Variants in NFYC observed in about 807,000 individuals in gnomAD.
The protein encoded by NFYC is nuclear transcription factor Y subunit gamma.
In NFYC, 25 loss-of-function variants were observed where a neutral mutation model predicts 53.1. That is an observed-to-expected ratio of 0.47 (90% CI 0.34 to 0.66). NFYC has a LOEUF of 0.66. Ranked by LOEUF, NFYC falls within the 30% of genes least tolerant of loss-of-function variation. The pLI, the probability that NFYC is intolerant of heterozygous loss-of-function variation, is 0.01. For missense variants in NFYC, 260 were observed against 422.7 expected, an observed-to-expected ratio of 0.62 and a Z score of 3.38; for synonymous variants, 145 against 152.6, an observed-to-expected ratio of 0.95 and a Z score of 0.37.
intron 3 of NFYC, among the ~76,000 whole-genome samples, chr1:40,749,326 G>C (rs1645783060): frequency 6.6e-6 from 1 of 152,136 alleles, no homozygotes; most frequent in African/African-American, 2.4e-5. Context: ...TCTTTGAAAG[G>C]CTATTATAAG....
chr1:40,707,192 T>A (rs543030584), intron 1 of NFYC, among the ~76,000 whole-genome samples: 48 of 150,830 alleles, frequency 3.2e-4, no homozygotes, highest in Admixed American at 1.5e-3. Flanking sequence ...GAAAATTTTT[T>A]TATATATATA....
chr1:40,766,687 C>A lies in NFYC; in HGVS notation c.812C>A (p.Ala271Asp). 6.2e-7 allele frequency: 1 copy of A among 1,613,936 alleles called. No individual in the cohort carries two copies. The highest frequency in any genetic ancestry group is 8.5e-7 in the Non-Finnish European group (1 of 1,179,866). The stretch of plus-strand genomic sequence containing the variant: ...GTGCAGGGACAGATCCAGACACTTG[C>A]CACCAATGCTCAACAGGTATGTGCC... ...QVVQGQIQTL[A>D]TNAQQITQTE... Residue 271 changes from alanine to aspartate, a missense_variant, in exon 8 of 10, where the codon GCC (alanine) becomes GAC (aspartate). Ala to Asp is a moderately radical substitution (Grantham distance 126, BLOSUM62 -2). Coordinates refer to ENST00000447388, the MANE Select transcript of NFYC (RefSeq NM_014223.5).
Position 40,726,436 on chromosome 1 carries a change from T to A in NFYC, c.-8-12400T>A, listed in dbSNP as rs1314216831. Among the ~76,000 whole-genome samples, 6 of 148,680 alleles carry A rather than the reference T, an allele frequency of 4.0e-5. No homozygotes were observed. In the East Asian group the frequency reaches 6.0e-4, roughly 15 times the overall value. On this transcript the variant is annotated intron_variant, in intron 1 of 9. Transcript: ENST00000447388. ...TCTGGCCTGTTTTTTTTTTTTCCTC[T>A]CTCCACACTGTCACCCAGGCTGGAG...
chr1:40,715,029 G>A (rs905496986), intron 1 of NFYC, among the ~76,000 whole-genome samples: 3 of 151,810 alleles, frequency 2.0e-5, no homozygotes, highest in Non-Finnish European at 4.4e-5. Context: ...GCAGTGAGCC[G>A]ACATGGCGCC....
chr1:40,763,347 CT>C, intron 7 of NFYC: 1 of 457,412 alleles, frequency 2.2e-6, no homozygotes, highest in Middle Eastern at 4.7e-4. Flanking sequence ...ATGCATAATC[CT>C]TTTTTTCTTT....
At chr1:40,741,348 G>A (rs1331637071) in intron 2 of NFYC, among the ~76,000 whole-genome samples, 24 of 152,048 alleles carry the variant, frequency 1.6e-4, no homozygotes, top group Admixed American at 1.6e-3. Flanking sequence ...ATATTATTTT[G>A]CCCAACTTTA....
At chr1:40,696,097 C>T (rs759308356) in intron 1 of NFYC, among the ~76,000 whole-genome samples, 28 of 149,638 alleles carry the variant, frequency 1.9e-4, no homozygotes, top group Non-Finnish European at 3.7e-4. Context: ...GATCTTGGCT[C>T]ACTGCAACCT....
intron 4 of NFYC, among the ~76,000 whole-genome samples, chr1:40,750,128 G>A (rs910017604): frequency 6.6e-6 from 1 of 151,892 alleles, no homozygotes; most frequent in African/African-American, 2.4e-5. Flanking sequence ...AGCCTTCCTG[G>A]GAGTCCTTTT....
chr1:40,730,571 T>C (rs1185401219), intron 1 of NFYC: 4 of 985,240 alleles, frequency 4.1e-6, no homozygotes, highest in South Asian at 4.7e-5. Context: ...GAGGAAGATA[T>C]GATCAAAATG....
At chr1:40,726,272 C>T (rs940607140) in intron 1 of NFYC, among the ~76,000 whole-genome samples, 1 of 152,094 alleles carries the variant, frequency 6.6e-6, no homozygotes, top group African/African-American at 2.4e-5. Flanking sequence ...CCCGCACCAC[C>T]ATGCCCAGCT....
chr1:40,730,748 A>G (rs1046385021), intron 1 of NFYC: 3 of 180,160 alleles, frequency 1.7e-5, no homozygotes, highest in Admixed American at 6.5e-5. Flanking sequence ...TACCAACATT[A>G]TATTTGTTTC....
chr1:40,730,186 CTTTCT>C (rs1191854253), intron 1 of NFYC, among the ~76,000 whole-genome samples: 4 of 134,868 alleles, frequency 3.0e-5, no homozygotes, highest in Admixed American at 2.3e-4. Context: ...GCTAATTTTT[CTTTCT>C]TTTCTTTTTT....
At chr1:40,763,844 C>T (rs941454768) in intron 7 of NFYC, among the ~76,000 whole-genome samples, 3 of 152,214 alleles carry the variant, frequency 2.0e-5, no homozygotes, top group Non-Finnish European at 2.9e-5. Context: ...GTAACCACTA[C>T]CCATGCCAAG....
chr1:40,741,732 A>G (rs1570575702), intron 2 of NFYC, among the ~76,000 whole-genome samples: 1 of 151,030 alleles, frequency 6.6e-6, no homozygotes, highest in East Asian at 2.0e-4. Flanking sequence ...CCTCCTGAGT[A>G]GCTGAGACTA....
chr1:40,727,342 G>T (rs1644562731), intron 1 of NFYC, among the ~76,000 whole-genome samples: 1 of 151,716 alleles, frequency 6.6e-6, no homozygotes, highest in Non-Finnish European at 1.5e-5. Context: ...TCCCACCTCA[G>T]CCTCCTAAGT....
intron 1 of NFYC, among the ~76,000 whole-genome samples, chr1:40,708,907 T>C (rs1242001922): frequency 6.6e-6 from 1 of 152,256 alleles, no homozygotes; most frequent in Non-Finnish European, 1.5e-5. Context: ...ACCGTAGCAG[T>C]ATCTTACAGA....
At chr1:40,732,245 T>C (rs1432663736) in intron 1 of NFYC, among the ~76,000 whole-genome samples, 1 of 152,230 alleles carries the variant, frequency 6.6e-6, no homozygotes, top group East Asian at 1.9e-4. Context: ...TGCCAAGGAA[T>C]AGAGAGCTGA....
At chr1:40,710,792 T>C (rs532847537) in intron 1 of NFYC, among the ~76,000 whole-genome samples, 7 of 152,296 alleles carry the variant, frequency 4.6e-5, no homozygotes, top group African/African-American at 1.4e-4. Context: ...TGTAATGATA[T>C]AGCAAGTCAA....
At chr1:40,698,692 G>A (rs999827846) in intron 1 of NFYC, among the ~76,000 whole-genome samples, 4 of 151,864 alleles carry the variant, frequency 2.6e-5, no homozygotes, top group Non-Finnish European at 5.9e-5. Flanking sequence ...CCTCCACTGC[G>A]CCCAGCCTGA....
Sources: allele counts gnomAD v4.1 joint callset (sites outside exome capture counted in the v4.1 genomes callset), GRCh38; gene constraint gnomAD v4.1.1; transcripts MANE v1.5; gene names NCBI Gene and HGNC (gene_info 2026-07-23, HGNC 2026-07-21).